RMI1: variants seen among roughly 807,000 people sequenced by gnomAD.
The protein encoded by RMI1 is recQ-mediated genome instability protein 1.
Under a neutral mutation model 46.7 loss-of-function variants are expected in RMI1, and 36 were observed. The ratio of observed to expected loss-of-function variants is 0.77; its 90% CI spans 0.59 to 1.02. RMI1 has a LOEUF of 1.02. RMI1 is among the 50% of genes least tolerant of loss of function. The pLI is 0.00. For synonymous variants in RMI1, 250 were observed against 252.9 expected, an observed-to-expected ratio of 0.99 and a Z score of 0.11; for missense variants, 676 against 713.7, an observed-to-expected ratio of 0.95 and a Z score of 0.60.
intron 1 of RMI1, among the ~76,000 whole-genome samples, chr9:83,984,699 T>C (rs1451312490): frequency 6.6e-6 from 1 of 151,924 alleles, no homozygotes; most frequent in East Asian, 1.9e-4. Flanking sequence ...GTAGCTGGGA[T>C]TACAGGCATG....
chr9:83,998,240 T>C (rs755634837), intron 1 of RMI1, among the ~76,000 whole-genome samples: 2 of 152,226 alleles, frequency 1.3e-5, no homozygotes, highest in Non-Finnish European at 2.9e-5. Context: ...AATTTTTACA[T>C]TGTTTTTTAC....
At chr9:83,995,427 T>TC in intron 1 of RMI1, among the ~76,000 whole-genome samples, 1 of 150,956 alleles carries the variant, frequency 6.6e-6, no homozygotes, top group East Asian at 1.9e-4. Context: ...GTAATATCTT[T>TC]TTTTTTTTTT....
chr9:84,003,344 G>C lies in RMI1; in HGVS notation c.*480G>C, dbSNP rs910345278. 2 of 167,168 alleles carry C rather than the reference G, an allele frequency of 1.2e-5. No homozygotes were observed. The highest frequency in any genetic ancestry group is 4.8e-5 in the African/African-American group (2 of 41,430). 10.4% of individuals were successfully genotyped at this position (167,168 alleles called of 1,614,324 possible). A position where few individuals can be genotyped will look rare whatever the true frequency, so the allele number is the denominator to read the frequency against. ...TTTTTTTAAAAGTAACTGTTAGATGGAGGAATATGGTGACCCACTATTGTT... is the reference window on the plus strand; with the variant it reads ...TTTTTTTAAAAGTAACTGTTAGATGCAGGAATATGGTGACCCACTATTGTT... On this transcript the variant is annotated 3_prime_UTR_variant, in exon 3 of 3. Transcript: ENST00000445877.
At chr9:83,988,409 T>A (rs537941233) in intron 1 of RMI1, among the ~76,000 whole-genome samples, 1 of 152,298 alleles carries the variant, frequency 6.6e-6, no homozygotes, top group East Asian at 1.9e-4. Context: ...GCTCAGGTGA[T>A]CCTCCTCCCT....
rs1369307815 is a variant in RMI1 at position 84,001,782 on chromosome 9, G to C, written c.796G>C (p.Glu266Gln). ...ELTANNDTSS[E>Q]RCFTTGSSSN... ...TACAGCAAATAATGACACTTCCTCA[G>C]AACGATGTTTCACCACAGGTAGTTC... The change falls in exon 3 of 3, where the codon GAA (glutamate) becomes CAA (glutamine). Residue 266 changes from glutamate (E) to glutamine (Q), a missense_variant. Transcript: ENST00000445877. The C allele has an allele frequency of 1.9e-6, 3 of 1,614,004 alleles. No homozygotes were observed. The highest frequency in any genetic ancestry group is 2.5e-6 in the Non-Finnish European group (3 of 1,179,956).
At chr9:83,981,890 C>T (rs990325188) in intron 1 of RMI1, among the ~76,000 whole-genome samples, 1 of 152,176 alleles carries the variant, frequency 6.6e-6, no homozygotes, top group Non-Finnish European at 1.5e-5. Flanking sequence ...TGTTAGGGCG[C>T]ACTGAGGATT....
At chr9:83,989,667 C>A (rs371812099) in intron 1 of RMI1, among the ~76,000 whole-genome samples, 253 of 141,706 alleles carry the variant, frequency 1.8e-3, no homozygotes, top group East Asian at 3.2e-3. Flanking sequence ...ATCAAAAAGA[C>A]AAAAAAAAAA....
At chr9:83,989,931 C>T (rs7875011) in intron 1 of RMI1, among the ~76,000 whole-genome samples, 76,491 of 151,976 alleles carry the variant, frequency 0.5, 19,487 homozygotes, top group Admixed American at 0.6. Context: ...TTCCAAGATA[C>T]GGAAAAACCT....
intron 2 of RMI1, among the ~76,000 whole-genome samples, chr9:84,000,479 T>A (rs889484820): frequency 6.6e-6 from 1 of 152,120 alleles, no homozygotes; most frequent in African/African-American, 2.4e-5. Context: ...AAAAATAATA[T>A]ATATTAAGTT....
intron 1 of RMI1, among the ~76,000 whole-genome samples, chr9:83,986,360 T>C (rs1286587980): frequency 6.6e-6 from 1 of 152,222 alleles, no homozygotes; most frequent in Non-Finnish European, 1.5e-5. Flanking sequence ...ACCACTCTTA[T>C]AGAATGGCCG....
intron 1 of RMI1, among the ~76,000 whole-genome samples, chr9:83,991,095 C>T (rs761042034): frequency 1.4e-4 from 21 of 152,164 alleles, no homozygotes; most frequent in Non-Finnish European, 2.1e-4. Context: ...GCCTGAGCTA[C>T]TGCGCCTGGA....
intron 1 of RMI1, among the ~76,000 whole-genome samples, chr9:83,989,302 T>A (rs1469664277): frequency 2.0e-5 from 3 of 152,152 alleles, no homozygotes; most frequent in Non-Finnish European, 4.4e-5. Context: ...AGGTAAAAAC[T>A]TAAAAGCACA....
intron 1 of RMI1, among the ~76,000 whole-genome samples, chr9:83,986,897 C>T (rs1957498549): frequency 2.0e-5 from 3 of 152,328 alleles, no homozygotes; most frequent in Admixed American, 2.0e-4. Flanking sequence ...GTCCTCATTT[C>T]AGTTTACTTA....
chr9:83,994,859 G>A (rs922631913), intron 1 of RMI1, among the ~76,000 whole-genome samples: 1 of 151,936 alleles, frequency 6.6e-6, no homozygotes, highest in African/African-American at 2.4e-5. Context: ...CAGCTTGTTA[G>A]GTCTTCTGAT....
chr9:83,995,687 C>G (rs1014812525), intron 1 of RMI1, among the ~76,000 whole-genome samples: 3 of 152,216 alleles, frequency 2.0e-5, no homozygotes, highest in Non-Finnish European at 4.4e-5. Context: ...CTCGGCCTCC[C>G]AGAGTGCTGG....
chr9:83,987,268 G>A (rs1177926025), intron 1 of RMI1, among the ~76,000 whole-genome samples: 1 of 152,068 alleles, frequency 6.6e-6, no homozygotes, highest in Non-Finnish European at 1.5e-5. Flanking sequence ...TCACCATGTT[G>A]ACTCACACTC....
chr9:83,995,720 G>A (rs77149790), intron 1 of RMI1, among the ~76,000 whole-genome samples: 1 of 152,138 alleles, frequency 6.6e-6, no homozygotes, highest in East Asian at 1.9e-4. Flanking sequence ...GAGCCACTGC[G>A]CCCAGCAGGT....
Position 84,002,865 on chromosome 9 carries a change from T to A in RMI1, c.*1T>A. The A allele has an allele frequency of 6.8e-7, 1 of 1,470,626 alleles. No individual in the cohort carries two copies. The highest frequency in any genetic ancestry group is 2.0e-5 in the Admixed American group (1 of 49,338). 91.1% of individuals were successfully genotyped at this position (1,470,626 alleles called of 1,614,324 possible). A position where few individuals can be genotyped will look rare whatever the true frequency, so the allele number is the denominator to read the frequency against. Reference sequence around the variant, plus strand: ...TCTAAAGAAGCGGTTAAATAAATAATTAAACTAAAATAGTATTAGGAACAA... The same window carrying A: ...TCTAAAGAAGCGGTTAAATAAATAAATAAACTAAAATAGTATTAGGAACAA... On this transcript the variant is annotated 3_prime_UTR_variant, in exon 3 of 3. Coordinates refer to ENST00000445877, the MANE Select transcript of RMI1 (RefSeq NM_001358291.2).
Position 84,004,067 on chromosome 9 carries a change from TAAC to T in RMI1, c.*1206_*1208del, listed in dbSNP as rs1416885572. The stretch of plus-strand genomic sequence containing the variant: ...TTAAAACATTAAACAAATCCTTAAA[TAAC>T]AAAATACATTGGTGTTTTATTTTAT... On this transcript the variant is annotated 3_prime_UTR_variant, in exon 3 of 3. Transcript: ENST00000445877. The T allele has an allele frequency of 6.4e-6, 1 of 156,240 alleles. No individual in the cohort carries two copies. The highest frequency in any genetic ancestry group is 1.5e-5 in the Non-Finnish European group (1 of 68,024). The allele number at this position is 156,240 out of a possible 1,614,324, so 9.7% of individuals were successfully genotyped here. A position where few individuals can be genotyped will look rare whatever the true frequency, so the allele number is the denominator to read the frequency against.
Sources: gnomAD v4.1 joint callset for allele counts (sites outside exome capture counted in the v4.1 genomes callset) on GRCh38, gnomAD v4.1.1 for gene constraint, MANE v1.5 for transcripts, NCBI Gene and HGNC (gene_info 2026-07-23, HGNC 2026-07-21) for gene names.